PTPRR: variants seen among roughly 807,000 people sequenced by gnomAD.
PTPRR encodes protein tyrosine phosphatase receptor type R, also known as receptor-type tyrosine-protein phosphatase R.
In PTPRR, 38 loss-of-function variants were observed where a neutral mutation model predicts 77.2. The ratio of observed to expected loss-of-function variants is 0.49; its 90% CI spans 0.38 to 0.65. The LOEUF is 0.65. Among genes scored for constraint, PTPRR ranks in the 30% least tolerant of loss-of-function variants. The pLI, the probability that PTPRR is intolerant of heterozygous loss-of-function variation, is 0.00. For synonymous variants in PTPRR, 299 were observed against 283.1 expected, an observed-to-expected ratio of 1.06 and a Z score of -0.57; for missense variants, 744 against 799.2, an observed-to-expected ratio of 0.93 and a Z score of 0.83.
At chr12:70,823,108 GACACACACACACACACACACACACACAC>G in intron 2 of PTPRR, among the ~76,000 whole-genome samples, 2 of 139,672 alleles carry the variant, frequency 1.4e-5, no homozygotes, top group South Asian at 4.9e-4. Context: ...CTCTCTCTCT[GACACACACACACACACACACACACACAC>G]ACACACACAC....
intron 2 of PTPRR, among the ~76,000 whole-genome samples, chr12:70,874,662 G>A (rs1203426759): frequency 2.0e-5 from 3 of 151,970 alleles, no homozygotes; most frequent in African/African-American, 4.8e-5. Flanking sequence ...GGTGGCTCAC[G>A]CCTGTAATCC....
intron 2 of PTPRR, among the ~76,000 whole-genome samples, chr12:70,769,666 G>A (rs536450443): frequency 6.6e-6 from 1 of 151,802 alleles, no homozygotes; most frequent in Non-Finnish European, 1.5e-5. Flanking sequence ...CTACTTTAAA[G>A]TTCATATGGA....
At chr12:70,649,219 AATCAAAATTTTAATCCT>A (rs1886304985) in intron 13 of PTPRR, among the ~76,000 whole-genome samples, 1 of 152,132 alleles carries the variant, frequency 6.6e-6, no homozygotes, top group Non-Finnish European at 1.5e-5. Flanking sequence ...TGGTGGTGGA[AATCAAAATTTTAATCCT>A]ATCCAGTGTT....
chr12:70,698,518 C>T (rs755707319), intron 7 of PTPRR, among the ~76,000 whole-genome samples, 169 bp from the exon 8 acceptor site: 1 of 152,242 alleles, frequency 6.6e-6, no homozygotes, highest in Non-Finnish European at 1.5e-5. Flanking sequence ...ATATCAGCTG[C>T]ATCCGGACAA....
chr12:70,658,939 G>A (rs957432850), intron 12 of PTPRR, among the ~76,000 whole-genome samples: 3 of 116,278 alleles, frequency 2.6e-5, no homozygotes, highest in Non-Finnish European at 3.3e-5. Flanking sequence ...TTTCTCTGTC[G>A]CACAGGCTGC....
At chr12:70,686,262 G>A (rs1242124797) in intron 8 of PTPRR, among the ~76,000 whole-genome samples, 1 of 152,134 alleles carries the variant, frequency 6.6e-6, no homozygotes, top group Non-Finnish European at 1.5e-5. Flanking sequence ...GGTGAGGTAG[G>A]AAGTACTAGA....
At chr12:70,889,084 C>T (rs1317812501) in intron 2 of PTPRR, among the ~76,000 whole-genome samples, 1 of 152,112 alleles carries the variant, frequency 6.6e-6, no homozygotes, top group Admixed American at 6.6e-5. Flanking sequence ...TAAATTTTCT[C>T]CAGTTTGGGT....
intron 10 of PTPRR, among the ~76,000 whole-genome samples, chr12:70,663,583 A>G (rs1329075411): frequency 6.6e-6 from 1 of 152,164 alleles, no homozygotes; most frequent in Non-Finnish European, 1.5e-5. Context: ...AGTTATCATT[A>G]TTAAATAAAA....
chr12:70,873,670 T>C (rs1253616965), intron 2 of PTPRR, among the ~76,000 whole-genome samples: 1 of 152,118 alleles, frequency 6.6e-6, no homozygotes, highest in Non-Finnish European at 1.5e-5. Context: ...ACACTTACCA[T>C]GTGTTACTTT....
intron 5 of PTPRR, among the ~76,000 whole-genome samples, chr12:70,753,305 G>A (rs1408205249): frequency 6.6e-6 from 1 of 152,116 alleles, no homozygotes; most frequent in Non-Finnish European, 1.5e-5. Flanking sequence ...ATTGTTGATT[G>A]TGGAGAGAAA....
chr12:70,646,857 C>G (rs1008336060), intron 13 of PTPRR, among the ~76,000 whole-genome samples: 1 of 151,696 alleles, frequency 6.6e-6, no homozygotes, highest in Non-Finnish European at 1.5e-5. Flanking sequence ...ATTATTTCAA[C>G]CAGGTTTTGG....
At chr12:70,719,212 T>C (rs1889147501) in intron 6 of PTPRR, among the ~76,000 whole-genome samples, 1 of 152,170 alleles carries the variant, frequency 6.6e-6, no homozygotes, top group Admixed American at 6.5e-5. Flanking sequence ...CAGTATCCTG[T>C]GGAGGAAAAC....
chr12:70,830,491 A>G (rs950701285), intron 2 of PTPRR, among the ~76,000 whole-genome samples: 13 of 152,256 alleles, frequency 8.5e-5, no homozygotes, highest in South Asian at 2.1e-4. Context: ...ACAAATGTCA[A>G]TCCACTACCG....
rs542128690 is a variant in PTPRR at position 70,659,858 on chromosome 12, A to G, written c.1766+1082T>C. ...CTATGCGGTTAAACAAAGCAACCCA[A>G]ATTATTTTGAGAAAGCATGAAGAAT... is the stretch of plus-strand genomic sequence containing the variant. On this transcript the variant is annotated intron_variant, in intron 12 of 13. Transcript: ENST00000283228. Among the ~76,000 whole-genome samples the G allele has an allele frequency of 5.9e-5, 9 of 152,140 alleles. No homozygotes were observed. The South Asian group carries it at 1.9e-3, about 32-fold the overall frequency.
intron 13 of PTPRR, among the ~76,000 whole-genome samples, chr12:70,651,938 T>C (rs1886410806): frequency 6.6e-6 from 1 of 152,126 alleles, no homozygotes; most frequent in Non-Finnish European, 1.5e-5. Context: ...CTTCTTTTCC[T>C]TCACTTGGGT....
intron 1 of PTPRR, among the ~76,000 whole-genome samples, chr12:70,897,591 G>A (rs1893453412): frequency 6.6e-6 from 1 of 152,040 alleles, no homozygotes; most frequent in Admixed American, 6.6e-5. Context: ...GTGGAAGTCA[G>A]TGTGGCGATT....
At chr12:70,844,397 T>C (rs1200591950) in intron 2 of PTPRR, among the ~76,000 whole-genome samples, 1 of 152,194 alleles carries the variant, frequency 6.6e-6, no homozygotes, top group Non-Finnish European at 1.5e-5. Context: ...TATTCCCTAC[T>C]GTGATTGAAT....
chr12:70,854,361 C>T (rs555994739), intron 2 of PTPRR, among the ~76,000 whole-genome samples: 4 of 152,190 alleles, frequency 2.6e-5, no homozygotes, highest in Non-Finnish European at 4.4e-5. Flanking sequence ...AGCACCACAA[C>T]GAGACACACT....
At chr12:70,866,561 G>C (rs915557546) in intron 2 of PTPRR, among the ~76,000 whole-genome samples, 8 of 152,132 alleles carry the variant, frequency 5.3e-5, no homozygotes, top group African/African-American at 1.9e-4. Context: ...ACCAAAAAAA[G>C]TCCAGGACCA....
Sources: allele counts gnomAD v4.1 joint callset (sites outside exome capture counted in the v4.1 genomes callset), GRCh38; gene constraint gnomAD v4.1.1; transcripts MANE v1.5; gene names NCBI Gene and HGNC (gene_info 2026-07-23, HGNC 2026-07-21).